Variants in PHACTR1 observed in about 807,000 individuals in gnomAD.
PHACTR1 encodes the protein RPEL repeat containing 1.
A neutral mutation model predicts 69.2 loss-of-function variants in PHACTR1; 16 were observed. The observed-to-expected ratio is 0.23, with a 90% CI of 0.16 to 0.35. The LOEUF is 0.35. PHACTR1 is among the 10% of genes least tolerant of loss of function. The pLI, the probability that PHACTR1 is intolerant of heterozygous loss-of-function variation, is 1.00. For missense variants in PHACTR1, 510 were observed against 734.7 expected (o/e 0.69, Z 3.54); for synonymous variants, 312 against 284.5 (o/e 1.10, Z -0.97).
intron 5 of PHACTR1, among the ~76,000 whole-genome samples, chr6:13,095,780 T>G (rs931581037): frequency 2.8e-5 from 3 of 105,948 alleles, no homozygotes; most frequent in Non-Finnish European, 2.0e-5. Flanking sequence ...TTTTTTTTTT[T>G]GTTAGACCAG....
intron 4 of PHACTR1, among the ~76,000 whole-genome samples, chr6:13,047,904 G>A (rs576603220): frequency 2.6e-5 from 4 of 152,168 alleles, no homozygotes; most frequent in South Asian, 2.1e-4. Context: ...AGCTCCTCCC[G>A]CTGCATGCCC....
chr6:12,823,876 G>A (rs186781592), intron 4 of PHACTR1, among the ~76,000 whole-genome samples: 34 of 151,988 alleles, frequency 2.2e-4, no homozygotes, highest in African/African-American at 8.0e-4. Flanking sequence ...GCTTCTTTGG[G>A]GTGTGACCAC....
chr6:13,113,907 T>C (rs1817423399), intron 5 of PHACTR1, among the ~76,000 whole-genome samples: 1 of 152,160 alleles, frequency 6.6e-6, no homozygotes, highest in African/African-American at 2.4e-5. Flanking sequence ...CAAGGTAACC[T>C]GCAAGTATCA....
chr6:13,192,539 G>A (rs142307516), intron 7 of PHACTR1, among the ~76,000 whole-genome samples: 5 of 152,362 alleles, frequency 3.3e-5, no homozygotes, highest in Admixed American at 2.0e-4. Context: ...GTAGAAGGAA[G>A]TTAGCATCTT....
chr6:12,842,655 C>A (rs889647823), intron 4 of PHACTR1, among the ~76,000 whole-genome samples: 1 of 152,134 alleles, frequency 6.6e-6, no homozygotes, highest in African/African-American at 2.4e-5. Context: ...GATCCTCCCA[C>A]CTCAGCCCCC....
rs188212027 is a variant in PHACTR1 at position 13,138,459 on chromosome 6, C to T, written c.416-21745C>T. On this transcript the variant is annotated intron_variant, in intron 5 of 14. Transcript: ENST00000332995. ...AATATTTTTGGTGGTGTTGAACCTT[C>T]TCAGGCAGGCATTTTAAGGTTACTG... Among the ~76,000 whole-genome samples the T allele has an allele frequency of 4.2e-3, 645 of 152,336 alleles. 8 individuals are homozygous for T. Among genetic ancestry groups the T allele is most frequent in the African/African-American group, 0.014 (602 of 41,586 alleles).
intron 3 of PHACTR1, among the ~76,000 whole-genome samples, chr6:12,731,275 A>G (rs1241436899): frequency 1.3e-5 from 2 of 152,120 alleles, no homozygotes; most frequent in Admixed American, 1.3e-4. Context: ...TGGCTTCCCA[A>G]AGTGCTGGGA....
chr6:12,903,572 T>G (rs1434113891), intron 4 of PHACTR1, among the ~76,000 whole-genome samples: 5 of 152,246 alleles, frequency 3.3e-5, no homozygotes, highest in Non-Finnish European at 7.3e-5. Flanking sequence ...CCCCACTGGT[T>G]TATTCTGCCC....
chr6:12,906,795 A>T (rs1178665248), intron 4 of PHACTR1, among the ~76,000 whole-genome samples: 1 of 152,018 alleles, frequency 6.6e-6, no homozygotes, highest in African/African-American at 2.4e-5. Context: ...CCCCAAAAGA[A>T]CTCCAATTGG....
chr6:12,932,702 G>T (rs1422276663), intron 4 of PHACTR1, among the ~76,000 whole-genome samples: 1 of 152,114 alleles, frequency 6.6e-6, no homozygotes, highest in Non-Finnish European at 1.5e-5. Context: ...TGATCCCAGT[G>T]GTTTCCTAAG....
Position 13,118,471 on chromosome 6 carries a change from A to ATT in PHACTR1, c.416-41709_416-41708dup, listed in dbSNP as rs140486749. Reference sequence around the variant, plus strand: ...CTCTGAAGCTTGCCCAACCAGGGCCATTTTTTTTTTTTTTTTTTTTTTTTT... The same window carrying ATT: ...CTCTGAAGCTTGCCCAACCAGGGCCATTTTTTTTTTTTTTTTTTTTTTTTTTT... On this transcript the variant is annotated intron_variant, in intron 5 of 14. Coordinates refer to ENST00000332995, the MANE Select transcript of PHACTR1 (RefSeq NM_030948.6). Among the ~76,000 whole-genome samples the ATT allele has an allele frequency of 5.5e-3, 397 of 72,772 alleles. 4 individuals are homozygous for ATT. The highest frequency in any genetic ancestry group is 0.012 in the African/African-American group (226 of 19,358). The allele number at this position is 72,772 out of a possible 152,430, so 47.7% of individuals were successfully genotyped here.
At chr6:13,170,136 C>T (rs766067657) in intron 6 of PHACTR1, among the ~76,000 whole-genome samples, 4 of 152,134 alleles carry the variant, frequency 2.6e-5, no homozygotes, top group Non-Finnish European at 5.9e-5. Flanking sequence ...AGGGAACAAA[C>T]GAAGGCTATA....
At chr6:12,835,859 A>G (rs1046071736) in intron 4 of PHACTR1, among the ~76,000 whole-genome samples, 8 of 152,294 alleles carry the variant, frequency 5.3e-5, no homozygotes, top group Admixed American at 5.2e-4. Flanking sequence ...GACACACACA[A>G]AAGAAAATAC....
At chr6:13,284,545 T>A (rs9367407) in intron 13 of PHACTR1, among the ~76,000 whole-genome samples, 1,405 of 59,276 alleles carry the variant, frequency 0.024, 37 homozygotes, top group African/African-American at 0.076. Context: ...AAAAAAAAAA[T>A]ATATATATAT....
intron 12 of PHACTR1, among the ~76,000 whole-genome samples, chr6:13,278,962 C>CAA (rs11372974): frequency 0.027 from 3,565 of 134,452 alleles, 128 homozygotes; most frequent in African/African-American, 0.076. Context: ...GACTCTGTCT[C>CAA]AAAAAAAAAA....
At chr6:13,188,177 T>C (rs1226899128) in intron 7 of PHACTR1, among the ~76,000 whole-genome samples, 2 of 152,228 alleles carry the variant, frequency 1.3e-5, no homozygotes, top group African/African-American at 4.8e-5. Flanking sequence ...TAGTACCTGG[T>C]AACCTCTTAA....
At chr6:13,157,370 G>A (rs1758335407) in intron 5 of PHACTR1, among the ~76,000 whole-genome samples, 1 of 152,224 alleles carries the variant, frequency 6.6e-6, no homozygotes, top group Admixed American at 6.5e-5. Flanking sequence ...CACACATTAA[G>A]TAATATCATC....
chr6:13,056,112 GT>G (rs1435842063), intron 5 of PHACTR1, among the ~76,000 whole-genome samples: 1 of 152,192 alleles, frequency 6.6e-6, no homozygotes, highest in Non-Finnish European at 1.5e-5. Context: ...AGGTATGCTA[GT>G]TTTAAAAAAG....
At chr6:13,204,465 A>G (rs1304236323) in intron 7 of PHACTR1, among the ~76,000 whole-genome samples, 1 of 151,984 alleles carries the variant, frequency 6.6e-6, no homozygotes, top group Non-Finnish European at 1.5e-5. Context: ...CAAGCCTACA[A>G]CCCACAGGGT....
Sources: allele counts gnomAD v4.1 joint callset (sites outside exome capture counted in the v4.1 genomes callset), GRCh38; gene constraint gnomAD v4.1.1; transcripts MANE v1.5; gene names NCBI Gene and HGNC (gene_info 2026-07-23, HGNC 2026-07-21).